Variants in DAB1 observed in about 807,000 individuals in gnomAD.
DAB1 encodes the protein disabled homolog 1.
A neutral mutation model predicts 64.6 loss-of-function variants in DAB1; 15 were observed. That is an observed-to-expected ratio of 0.23 (90% CI 0.16 to 0.36). DAB1 has a LOEUF of 0.36. Among genes scored for constraint, DAB1 ranks in the 10% least tolerant of loss-of-function variants. The probability of loss-of-function intolerance (pLI) is 1.00; values close to 1 mark genes in which losing one functional copy is unlikely to be tolerated. For synonymous variants in DAB1, 235 were observed against 251.9 expected (o/e 0.93, Z 0.64); for missense variants, 596 against 706.7 (o/e 0.84, Z 1.78).
At chr1:57,211,715 A>T (rs1358839021) in intron 2 of DAB1, among the ~76,000 whole-genome samples, 1 of 152,218 alleles carries the variant, frequency 6.6e-6, no homozygotes, top group Non-Finnish European at 1.5e-5. Context: ...CAGGTACCAC[A>T]TCTGAGGATT....
intron 2 of DAB1, among the ~76,000 whole-genome samples, chr1:57,193,407 G>A (rs551604675): frequency 0.014 from 437 of 30,490 alleles, 4 homozygotes; most frequent in Non-Finnish European, 0.02. Flanking sequence ...TTTTTTTTGA[G>A]ACAGAGTCTC....
At chr1:57,657,591 A>G (rs570816960) in intron 6 of DAB1, among the ~76,000 whole-genome samples, 2 of 152,352 alleles carry the variant, frequency 1.3e-5, no homozygotes, top group East Asian at 3.9e-4. Context: ...CAGTGACAGC[A>G]TTCATATCTG....
intron 2 of DAB1, among the ~76,000 whole-genome samples, chr1:57,161,867 T>C (rs112528930): frequency 4.6e-5 from 7 of 151,786 alleles, no homozygotes; most frequent in South Asian, 2.1e-4. Flanking sequence ...AAAAAAAAAG[T>C]TCATACTATA....
intron 7 of DAB1, among the ~76,000 whole-genome samples, chr1:57,486,584 G>C (rs1275402671): frequency 6.6e-6 from 1 of 152,174 alleles, no homozygotes; most frequent in Non-Finnish European, 1.5e-5. Context: ...AAAGAAACAA[G>C]AGATTGTGAA....
chr1:57,764,174 C>T (rs967583792), intron 6 of DAB1, among the ~76,000 whole-genome samples: 1 of 152,136 alleles, frequency 6.6e-6, no homozygotes, highest in Non-Finnish European at 1.5e-5. Flanking sequence ...GCAATCAGTC[C>T]CAGAGCACTG....
intron 5 of DAB1, among the ~76,000 whole-genome samples, chr1:57,924,650 G>C (rs995970126): frequency 8.0e-5 from 8 of 100,230 alleles, no homozygotes; most frequent in Non-Finnish European, 1.5e-4. Flanking sequence ...TTTTTTTTTA[G>C]TAGAGATGGG....
At chr1:57,102,839 C>T (rs933677342) in intron 4 of DAB1, among the ~76,000 whole-genome samples, 3 of 152,070 alleles carry the variant, frequency 2.0e-5, no homozygotes, top group African/African-American at 7.2e-5. Context: ...TTAAAGAGGC[C>T]AGAACATACT....
At chr1:58,379,043 CA>C (rs1434676804) in intron 3 of DAB1, among the ~76,000 whole-genome samples, 1 of 151,614 alleles carries the variant, frequency 6.6e-6, no homozygotes. Flanking sequence ...TCGGCTCGCG[CA>C]TGGTGCGCGC....
chr1:57,067,767 A>G (rs1380415457), intron 8 of DAB1, among the ~76,000 whole-genome samples: 3 of 152,192 alleles, frequency 2.0e-5, no homozygotes, highest in Non-Finnish European at 4.4e-5. Flanking sequence ...TTGACAGTTA[A>G]ATTAATGGCT....
chr1:57,040,731 C>A (rs1358539630), intron 9 of DAB1, among the ~76,000 whole-genome samples: 4 of 152,144 alleles, frequency 2.6e-5, no homozygotes, highest in South Asian at 2.1e-4. Flanking sequence ...CTCCTTTTTC[C>A]TTTTAAAAAC....
At chr1:57,866,747 T>C (rs748979147) in intron 1 of DAB1, among the ~76,000 whole-genome samples, 15 of 152,176 alleles carry the variant, frequency 9.9e-5, no homozygotes, top group Non-Finnish European at 1.9e-4. Context: ...AGATTAGTTT[T>C]GAAGGCTTTC....
chr1:57,572,934 G>T (rs545576675), intron 7 of DAB1, among the ~76,000 whole-genome samples: 28 of 152,130 alleles, frequency 1.8e-4, no homozygotes, highest in Admixed American at 1.3e-3. Flanking sequence ...TCACTATCTT[G>T]AAGACAGCAC....
chr1:58,005,608 T>TAAAAAAA (rs5774389), intron 5 of DAB1, among the ~76,000 whole-genome samples: 1 of 133,042 alleles, frequency 7.5e-6, no homozygotes. Context: ...CTGCCTTGGT[T>TAAAAAAA]AAAAAAAAAA....
intron 6 of DAB1, among the ~76,000 whole-genome samples, chr1:57,688,854 A>G (rs1254438718): frequency 1.3e-5 from 2 of 152,174 alleles, no homozygotes; most frequent in African/African-American, 4.8e-5. Context: ...TGTAAGTGGG[A>G]GCTAAACATT....
chr1:57,722,226 A>C (rs886117010), intron 6 of DAB1, among the ~76,000 whole-genome samples: 5 of 152,236 alleles, frequency 3.3e-5, no homozygotes, highest in South Asian at 2.1e-4. Flanking sequence ...TACTATACAC[A>C]GAACAAGTAC....
chr1:57,423,435 C>T (rs964758387), intron 1 of DAB1, among the ~76,000 whole-genome samples: 1 of 151,996 alleles, frequency 6.6e-6, no homozygotes, highest in African/African-American at 2.4e-5. Context: ...AATCTCAGCG[C>T]TACGGAGGAG....
At chr1:58,283,136 C>T (rs921472579) in intron 4 of DAB1, among the ~76,000 whole-genome samples, 2 of 151,466 alleles carry the variant, frequency 1.3e-5, no homozygotes, top group Non-Finnish European at 2.9e-5. Context: ...TCCTTCCCCA[C>T]CCCCCAAGCC....
At chr1:58,096,122 G>T (rs930917438) in intron 5 of DAB1, among the ~76,000 whole-genome samples, 5 of 152,086 alleles carry the variant, frequency 3.3e-5, no homozygotes, top group African/African-American at 4.8e-5. Flanking sequence ...AAAATATTAC[G>T]ACTTTAAAAA....
At chr1:57,836,917 G>A (rs780192566) in intron 1 of DAB1, among the ~76,000 whole-genome samples, 46 of 152,134 alleles carry the variant, frequency 3.0e-4, no homozygotes, top group Non-Finnish European at 5.1e-4. Context: ...TTTGCTCTCA[G>A]CGTCTCCATC....
Sources: gnomAD v4.1 joint callset for allele counts (sites outside exome capture counted in the v4.1 genomes callset) on GRCh38, gnomAD v4.1.1 for gene constraint, MANE v1.5 for transcripts, NCBI Gene and HGNC (gene_info 2026-07-23, HGNC 2026-07-21) for gene names.